Variants in SLFN12 observed in about 807,000 individuals in gnomAD.
SLFN12 encodes ribonuclease SLFN12.
In SLFN12, 25 loss-of-function variants were observed where a neutral mutation model predicts 29.1. That is an observed-to-expected ratio of 0.86 (90% CI 0.63 to 1.20). The LOEUF is 1.20. Ranked by LOEUF, SLFN12 falls within the 50% of genes most tolerant of loss-of-function variation. SLFN12 has a pLI of 0.00. For synonymous variants in SLFN12, 257 were observed against 238.7 expected (o/e 1.08, Z -0.71); for missense variants, 660 against 666.2 (o/e 0.99, Z 0.10).
At chr17:35,425,981 T>C (rs1912001833) in intron 1 of SLFN12, among the ~76,000 whole-genome samples, 1 of 151,286 alleles carries the variant, frequency 6.6e-6, no homozygotes. Context: ...TTTTTTATAA[T>C]AGCCATTTTA....
At chr17:35,416,992 C>G (rs2142034720) in intron 3 of SLFN12, among the ~76,000 whole-genome samples, 1 of 152,188 alleles carries the variant, frequency 6.6e-6, no homozygotes, top group Admixed American at 6.5e-5. Context: ...CAATTTCAAG[C>G]ATATCATTCT....
chr17:35,421,872 G>T (rs1014987319), intron 2 of SLFN12, 118 bp downstream of exon 2: 100 of 1,318,410 alleles, frequency 7.6e-5, no homozygotes, highest in Non-Finnish European at 1.0e-4. Context: ...ATCCACCAGG[G>T]ATTAATAGTT....
At chr17:35,425,377 A>G (rs1429488489) in intron 1 of SLFN12, among the ~76,000 whole-genome samples, 1 of 152,048 alleles carries the variant, frequency 6.6e-6, no homozygotes, top group East Asian at 1.9e-4. Context: ...TCTTGAACTT[A>G]TTCCTCCTAT....
intron 3 of SLFN12, among the ~76,000 whole-genome samples, chr17:35,412,954 T>A (rs12946685): frequency 0.092 from 13,949 of 151,310 alleles, 2,000 homozygotes; most frequent in African/African-American, 0.31. Context: ...AAAAATACAG[T>A]AGGTGGTAAT....
chr17:35,414,127 G>A (rs1394784538), intron 3 of SLFN12, among the ~76,000 whole-genome samples: 2 of 152,000 alleles, frequency 1.3e-5, no homozygotes, highest in African/African-American at 4.8e-5. Flanking sequence ...GTCCTAGCCA[G>A]AGCAATTAGG....
intron 3 of SLFN12, among the ~76,000 whole-genome samples, chr17:35,412,705 T>C (rs1911094901): frequency 6.6e-6 from 1 of 151,810 alleles, no homozygotes; most frequent in Admixed American, 6.6e-5. Context: ...AATAAAAAAT[T>C]ACGAGACAGA....
chr17:35,424,548 T>C (rs1296218054), intron 1 of SLFN12, among the ~76,000 whole-genome samples: 2 of 152,154 alleles, frequency 1.3e-5, no homozygotes, highest in Admixed American at 6.5e-5. Context: ...CCGAGTGGCA[T>C]AGAGACAATT....
intron 1 of SLFN12, among the ~76,000 whole-genome samples, chr17:35,424,803 A>G (rs1911905447): frequency 6.6e-6 from 1 of 152,198 alleles, no homozygotes; most frequent in South Asian, 2.1e-4. Context: ...TAGCTCTTTG[A>G]AGATACTTAA....
At position 35,420,360 on chromosome 17, in the gene SLFN12, T is replaced by A. The variant is rs1198781545; in HGVS notation, c.1061A>T (p.Glu354Val). The change falls in exon 3 of 4, where the codon GAG becomes GTG. Residue 354 changes from glutamate (E) to valine (V), a missense_variant. Glu to Val is a moderately radical substitution (Grantham distance 121). Transcript: ENST00000304905. Reference sequence around the variant, plus strand: ...TGACGTATTTATTTGAGAGATCACCTCTTCATATGAACTGGAAAATTCTTA... The same window carrying A: ...TGACGTATTTATTTGAGAGATCACCACTTCATATGAACTGGAAAATTCTTA... ...AEPKFSSSYE[E>V]VISQINTSLP... 1.9e-6 allele frequency: 3 copies of A among 1,612,890 alleles called. No homozygotes were observed. In the Admixed American group the frequency reaches 5.0e-5, roughly 27 times the overall value.
intron 1 of SLFN12, chr17:35,430,591 G>A (rs1455070336): frequency 6.6e-6 from 1 of 152,062 alleles, no homozygotes; most frequent in Non-Finnish European, 1.5e-5. Flanking sequence ...TTCTAGAGAT[G>A]GCTGCATGCA....
intron 1 of SLFN12, among the ~76,000 whole-genome samples, chr17:35,429,384 A>G (rs1912186952): frequency 6.6e-6 from 1 of 152,104 alleles, no homozygotes; most frequent in East Asian, 1.9e-4. Context: ...ACTGCCTTCA[A>G]GCATACATCT....
rs1402435641 is a variant in SLFN12, at chr17:35,411,810, A to G, written c.1265T>C (p.Leu422Pro). 1.9e-6 allele frequency: 3 copies of G among 1,614,086 alleles called. No homozygotes were observed. Among genetic ancestry groups the G allele is most frequent in the Non-Finnish European group, 2.5e-6 (3 of 1,180,012 alleles). Residue 422 changes from leucine to proline, a missense_variant, in exon 4 of 4, where the codon CTG becomes CCG. By Grantham distance (98) the Leu-to-Pro change is moderately conservative. Coordinates refer to ENST00000304905, the MANE Select transcript of SLFN12 (RefSeq NM_018042.5). ...CACAGACCAGCTCCTAGAGAAGATC[A>G]GTGAGCCCTTTCTGACAGAGTCCAT... ...EEMDSVRKGS[L>P]IFSRSWSVDL...
chr17:35,422,138 A>C lies in SLFN12; in HGVS notation c.891T>G (p.Ser297Arg), dbSNP rs1446026643. 2 of 1,614,072 alleles carry C rather than the reference A, an allele frequency of 1.2e-6. No individual in the cohort carries two copies. Residue 297 changes from serine to arginine, a missense_variant, in exon 2 of 4, where the codon AGT (serine) becomes AGG (arginine). Transcript: ENST00000304905. ...TGAGTGCACAGACATATCCACAAAG[A>C]CTTCCTTTATCATATACTCCAAGGA... is the stretch of plus-strand genomic sequence containing the variant. The part of the protein sequence containing the change: ...CKFLGVYDKG[S>R]LCGYVCALRV...
intron 1 of SLFN12, among the ~76,000 whole-genome samples, chr17:35,427,820 T>C (rs995801777): frequency 6.6e-6 from 1 of 152,150 alleles, no homozygotes; most frequent in Non-Finnish European, 1.5e-5. Context: ...GTTATTTCAA[T>C]GTTTGGGTAT....
intron 1 of SLFN12, 87 bp from the exon 2 acceptor site, chr17:35,423,155 G>T (rs1911807268): frequency 1.4e-6 from 2 of 1,425,886 alleles, no homozygotes; most frequent in Admixed American, 4.9e-5. Flanking sequence ...AAAAAATCCT[G>T]TGCTGTATAT....
intron 1 of SLFN12, among the ~76,000 whole-genome samples, chr17:35,424,966 G>A (rs532502878): frequency 1.3e-5 from 2 of 151,940 alleles, no homozygotes; most frequent in African/African-American, 4.8e-5. Flanking sequence ...CATTTTTTGT[G>A]GTGAACATTG....
intron 3 of SLFN12, among the ~76,000 whole-genome samples, chr17:35,412,525 C>G (rs1342605831): frequency 1.3e-5 from 2 of 151,948 alleles, no homozygotes; most frequent in Non-Finnish European, 2.9e-5. Context: ...AAAGCCATGA[C>G]CTAGTAGTAA....
At chr17:35,418,633 TTAG>T (rs1408942984) in intron 3 of SLFN12, among the ~76,000 whole-genome samples, 9 of 152,118 alleles carry the variant, frequency 5.9e-5, no homozygotes, top group Non-Finnish European at 1.2e-4. Flanking sequence ...AAGTAAGCTA[TTAG>T]TAGTTAACTT....
intron 3 of SLFN12, among the ~76,000 whole-genome samples, chr17:35,416,842 C>T (rs1224437551): frequency 6.6e-6 from 1 of 151,994 alleles, no homozygotes; most frequent in African/African-American, 2.4e-5. Flanking sequence ...TCACTTGAGC[C>T]CAAGAGCTTG....
Sources: allele counts gnomAD v4.1 joint callset (sites outside exome capture counted in the v4.1 genomes callset), GRCh38; gene constraint gnomAD v4.1.1; transcripts MANE v1.5; gene names NCBI Gene and HGNC (gene_info 2026-07-23, HGNC 2026-07-21).